SGCZ: variants seen among roughly 807,000 people sequenced by gnomAD.
SGCZ encodes zeta-sarcoglycan.
A neutral mutation model predicts 41.3 loss-of-function variants in SGCZ; 40 were observed. The observed-to-expected ratio is 0.97, with a 90% CI of 0.75 to 1.26. The LOEUF (loss-of-function observed/expected upper bound fraction) is 1.26, where lower values mean the gene tolerates loss of function less well. SGCZ is among the 50% of genes most tolerant of loss of function. SGCZ has a pLI of 0.00. For synonymous variants in SGCZ, 206 were observed against 137.5 expected, an observed-to-expected ratio of 1.50 and a Z score of -3.49; for missense variants, 552 against 369.8, an observed-to-expected ratio of 1.49 and a Z score of -4.04.
rs539818128 is a variant in SGCZ at position 15,113,217 on chromosome 8, A to C, written c.39+124368T>G. Among the ~76,000 whole-genome samples the C allele has an allele frequency of 1.3e-4, 20 of 152,122 alleles. 1 individual carries two copies. In the South Asian group the frequency reaches 2.3e-3, roughly 17 times the overall value. On this transcript the variant is annotated intron_variant, in intron 1 of 7. Coordinates refer to ENST00000382080, the MANE Select transcript of SGCZ (RefSeq NM_139167.4). ...GAGCGAGACCTGGCTCAAAAAAAAA[A>C]AAAAACAAAAAGAAAACCAAGAATG... is the stretch of plus-strand genomic sequence containing the variant.
intron 4 of SGCZ, among the ~76,000 whole-genome samples, chr8:14,209,703 T>A (rs1175387397): frequency 6.6e-6 from 1 of 152,218 alleles, no homozygotes; most frequent in Admixed American, 6.6e-5. Context: ...TTTAAATTTA[T>A]GTGACATATT....
At chr8:14,602,536 A>T (rs1805626873) in intron 1 of SGCZ, among the ~76,000 whole-genome samples, 1 of 152,094 alleles carries the variant, frequency 6.6e-6, no homozygotes, top group Admixed American at 6.5e-5. Flanking sequence ...AAAACTAATT[A>T]ATTAATTAAA....
At chr8:14,900,067 A>G (rs1023053842) in intron 1 of SGCZ, among the ~76,000 whole-genome samples, 1 of 152,242 alleles carries the variant, frequency 6.6e-6, no homozygotes, top group Non-Finnish European at 1.5e-5. Context: ...TGGATATTTT[A>G]TAAATATAAT....
At position 14,087,709 on chromosome 8, in the gene SGCZ, AT is replaced by A. The variant is rs56942554; in HGVS notation, c.*2733del. On this transcript the variant is annotated 3_prime_UTR_variant, in exon 8 of 8. Coordinates refer to ENST00000382080, the MANE Select transcript of SGCZ (RefSeq NM_139167.4). Reference sequence around the variant, plus strand: ...TACTGTGCAATTAAGGGACCACTATATTTTTAAAAAAAAAAAAATGCTTTTT... The same window carrying A: ...TACTGTGCAATTAAGGGACCACTATATTTTAAAAAAAAAAAAATGCTTTTT... Among the ~76,000 whole-genome samples the A allele has an allele frequency of 0.012, 1,439 of 123,962 alleles. 10 individuals are homozygous for A. Among genetic ancestry groups the A allele is most frequent in the African/African-American group, 0.019 (491 of 26,116 alleles). 81.3% of individuals were successfully genotyped at this position (123,962 alleles called of 152,430 possible).
chr8:14,769,289 C>T (rs1238165517), intron 1 of SGCZ, among the ~76,000 whole-genome samples: 1 of 151,980 alleles, frequency 6.6e-6, no homozygotes, highest in Admixed American at 6.6e-5. Context: ...TCACAAGGGG[C>T]TTATCATGTG....
At chr8:15,053,667 T>C in intron 1 of SGCZ, among the ~76,000 whole-genome samples, 1 of 152,170 alleles carries the variant, frequency 6.6e-6, no homozygotes, top group East Asian at 1.9e-4. Context: ...CTTTTCTTTA[T>C]TTGGGGGGGT....
At chr8:14,949,156 G>T (rs1800548805) in intron 1 of SGCZ, among the ~76,000 whole-genome samples, 1 of 152,052 alleles carries the variant, frequency 6.6e-6, no homozygotes, top group African/African-American at 2.4e-5. Flanking sequence ...TAAAATAGCA[G>T]TATATATACT....
intron 1 of SGCZ, among the ~76,000 whole-genome samples, chr8:15,186,989 G>C (rs1378376664): frequency 4.6e-5 from 7 of 152,042 alleles, no homozygotes. Context: ...CTTTCTATTT[G>C]TTATAGTAGA....
intron 1 of SGCZ, among the ~76,000 whole-genome samples, chr8:15,015,286 A>C (rs887460935): frequency 6.6e-6 from 1 of 152,056 alleles, no homozygotes; most frequent in Non-Finnish European, 1.5e-5. Context: ...TAAAGTGTTT[A>C]TAATTAGACT....
chr8:14,695,834 A>G (rs1314259864), intron 1 of SGCZ, among the ~76,000 whole-genome samples: 1 of 152,068 alleles, frequency 6.6e-6, no homozygotes, highest in African/African-American at 2.4e-5. Context: ...TGATTAACAT[A>G]TAATAAAACA....
chr8:14,914,299 C>T (rs979578014), intron 1 of SGCZ, among the ~76,000 whole-genome samples: 7 of 151,506 alleles, frequency 4.6e-5, no homozygotes, highest in Admixed American at 2.6e-4. Context: ...AAGATATCAC[C>T]GTCATAAATA....
At chr8:14,185,882 G>A (rs1585211358) in intron 4 of SGCZ, among the ~76,000 whole-genome samples, 1 of 152,222 alleles carries the variant, frequency 6.6e-6, no homozygotes, top group African/African-American at 2.4e-5. Flanking sequence ...TTAGGTTCAT[G>A]GCTTTAAATA....
chr8:14,240,250 G>T (rs1414117154), intron 3 of SGCZ, among the ~76,000 whole-genome samples: 2 of 146,232 alleles, frequency 1.4e-5, no homozygotes, highest in African/African-American at 5.1e-5. Flanking sequence ...ATCACTTGAA[G>T]CTGGGAGGTG....
At chr8:14,576,144 A>G (rs1449005450) in intron 1 of SGCZ, among the ~76,000 whole-genome samples, 1 of 152,192 alleles carries the variant, frequency 6.6e-6, no homozygotes, top group Non-Finnish European at 1.5e-5. Flanking sequence ...CTTGTATGTG[A>G]GATTTGTGCT....
chr8:14,468,351 G>GT (rs1801110664), intron 2 of SGCZ, among the ~76,000 whole-genome samples: 2 of 152,000 alleles, frequency 1.3e-5, no homozygotes, highest in African/African-American at 4.8e-5. Context: ...GCATAAAGAA[G>GT]TAAACTTTTA....
chr8:14,457,768 C>G (rs1800790309), intron 2 of SGCZ, among the ~76,000 whole-genome samples: 1 of 152,194 alleles, frequency 6.6e-6, no homozygotes, highest in African/African-American at 2.4e-5. Flanking sequence ...GACACGTGAC[C>G]CACGTGACCT....
At chr8:14,210,704 T>G (rs1354871712) in intron 4 of SGCZ, among the ~76,000 whole-genome samples, 2 of 152,012 alleles carry the variant, frequency 1.3e-5, no homozygotes, top group Non-Finnish European at 2.9e-5. Flanking sequence ...TGACCTCAGG[T>G]GATCCGCTTG....
chr8:14,091,716 G>T (rs997773701), intron 7 of SGCZ, among the ~76,000 whole-genome samples: 1 of 151,998 alleles, frequency 6.6e-6, no homozygotes, highest in Non-Finnish European at 1.5e-5. Flanking sequence ...TTCTTTGTAG[G>T]TTCTGGATAT....
intron 1 of SGCZ, among the ~76,000 whole-genome samples, chr8:14,648,268 TG>T (rs1427419525): frequency 6.6e-6 from 1 of 152,148 alleles, no homozygotes; most frequent in African/African-American, 2.4e-5. Context: ...TATCTCTGTC[TG>T]GCTAGATGAT....
Sources: gnomAD v4.1 joint callset for allele counts (sites outside exome capture counted in the v4.1 genomes callset) on GRCh38, gnomAD v4.1.1 for gene constraint, MANE v1.5 for transcripts, NCBI Gene and HGNC (gene_info 2026-07-23, HGNC 2026-07-21) for gene names.